The following PKIB variants were observed in gnomAD, a reference collection of about 807,000 sequenced individuals.
PKIB encodes PKI-beta.
Under a neutral mutation model 4.5 loss-of-function variants are expected in PKIB, and 2 were observed. The ratio of observed to expected loss-of-function variants is 0.44; its 90% CI spans 0.18 to 1.39. The LOEUF (loss-of-function observed/expected upper bound fraction) is 1.39, where lower values mean the gene tolerates loss of function less well. PKIB is among the 40% of genes most tolerant of loss of function. The pLI is 0.27. For missense variants in PKIB, 94 were observed against 92.6 expected (o/e 1.02, Z -0.06); for synonymous variants, 38 against 36.0 (o/e 1.06, Z -0.20).
intron 2 of PKIB, among the ~76,000 whole-genome samples, chr6:122,646,294 A>G (rs1776313181): frequency 6.6e-6 from 1 of 152,188 alleles, no homozygotes; most frequent in Admixed American, 6.6e-5. Flanking sequence ...ATTTGGGGGA[A>G]TATCAGCCCC....
At chr6:122,685,706 A>G (rs1232458129) in intron 3 of PKIB, among the ~76,000 whole-genome samples, 1 of 152,080 alleles carries the variant, frequency 6.6e-6, no homozygotes, top group Admixed American at 6.6e-5. Flanking sequence ...ATTATTATTG[A>G]CTATAGTCAT....
At chr6:122,582,609 C>T (rs1773735017) in intron 2 of PKIB, among the ~76,000 whole-genome samples, 1 of 151,956 alleles carries the variant, frequency 6.6e-6, no homozygotes, top group African/African-American at 2.4e-5. Context: ...GATATGTAAC[C>T]AGTTATCTTT....
intron 2 of PKIB, among the ~76,000 whole-genome samples, chr6:122,549,803 C>T (rs1315329409): frequency 6.8e-6 from 1 of 147,562 alleles, no homozygotes; most frequent in African/African-American, 2.5e-5. Flanking sequence ...TTTATGTTAC[C>T]ATATTTCTAA....
At chr6:122,517,709 A>G (rs2114593178) in intron 2 of PKIB, among the ~76,000 whole-genome samples, 2 of 152,338 alleles carry the variant, frequency 1.3e-5, no homozygotes, top group African/African-American at 4.8e-5. Context: ...GACTTTGGAA[A>G]CAAAAGACAT....
At chr6:122,553,481 C>CTTTTTTTTTTTGTTTTTTT (rs1772747136) in intron 2 of PKIB, among the ~76,000 whole-genome samples, 1 of 65,838 alleles carries the variant, frequency 1.5e-5, no homozygotes, top group African/African-American at 5.9e-5. Flanking sequence ...CAAATATCTT[C>CTTTTTTTTTTTGTTTTTTT]TTTTTTTTTT....
intron 2 of PKIB, chr6:122,643,912 A>G (rs1327923208): frequency 6.6e-6 from 1 of 152,130 alleles, no homozygotes; most frequent in African/African-American, 2.4e-5. Flanking sequence ...TTTCATTGCT[A>G]ATTATTGGTA....
intron 3 of PKIB, among the ~76,000 whole-genome samples, chr6:122,591,930 A>G (rs909160105): frequency 1.3e-5 from 2 of 151,484 alleles, no homozygotes; most frequent in African/African-American, 2.4e-5. Context: ...GTTTTAAAAA[A>G]CAAAGTGAAC....
At chr6:122,673,559 G>A (rs1777548127) in intron 2 of PKIB, among the ~76,000 whole-genome samples, 1 of 152,192 alleles carries the variant, frequency 6.6e-6, no homozygotes, top group Non-Finnish European at 1.5e-5. Flanking sequence ...AGAGTGAGAG[G>A]AAGAGCAAAG....
intron 3 of PKIB, among the ~76,000 whole-genome samples, chr6:122,599,372 C>G (rs1774284038): frequency 6.6e-6 from 1 of 152,200 alleles, no homozygotes; most frequent in Non-Finnish European, 1.5e-5. Flanking sequence ...GGGTCCCATT[C>G]TTTTCCAATC....
intron 2 of PKIB, among the ~76,000 whole-genome samples, chr6:122,571,635 C>A (rs1712620217): frequency 6.6e-6 from 1 of 152,184 alleles, no homozygotes; most frequent in African/African-American, 2.4e-5. Flanking sequence ...TTGCATTCTG[C>A]AAAACTAAGC....
chr6:122,626,483 TAAG>T (rs1775449979), intron 1 of PKIB, among the ~76,000 whole-genome samples: 1 of 152,122 alleles, frequency 6.6e-6, no homozygotes, highest in Non-Finnish European at 1.5e-5. Context: ...CAGAGAGTCA[TAAG>T]AAGAATGATT....
intron 2 of PKIB, among the ~76,000 whole-genome samples, chr6:122,642,243 T>C (rs1776148333): frequency 6.6e-6 from 1 of 152,226 alleles, no homozygotes; most frequent in East Asian, 1.9e-4. Flanking sequence ...TAAATTTATT[T>C]TGTCTAAAGT....
At chr6:122,476,756 G>A (rs368654158) in intron 1 of PKIB, among the ~76,000 whole-genome samples, 43 of 152,284 alleles carry the variant, frequency 2.8e-4, no homozygotes, top group African/African-American at 9.1e-4. Context: ...TTGAAAAAGT[G>A]TAAATGACAT....
chr6:122,602,008 A>AT (rs78504289), intron 3 of PKIB, among the ~76,000 whole-genome samples: 49,019 of 140,202 alleles, frequency 0.35, 8,773 homozygotes, highest in Non-Finnish European at 0.43. Flanking sequence ...CTTTCCCTTC[A>AT]TTTTTTTTTT....
intron 2 of PKIB, among the ~76,000 whole-genome samples, chr6:122,525,360 T>C (rs1777066199): frequency 6.6e-6 from 1 of 152,208 alleles, no homozygotes; most frequent in African/African-American, 2.4e-5. Flanking sequence ...ATTTGTTTTA[T>C]GGCCCATTAA....
At chr6:122,551,142 T>TG (rs1772664044) in intron 2 of PKIB, among the ~76,000 whole-genome samples, 1 of 152,202 alleles carries the variant, frequency 6.6e-6, no homozygotes, top group African/African-American at 2.4e-5. Flanking sequence ...GCACTTAGTA[T>TG]GCCCTTTTAA....
intron 1 of PKIB, among the ~76,000 whole-genome samples, chr6:122,624,709 T>C (rs1295618725): frequency 2.0e-5 from 3 of 152,158 alleles, no homozygotes; most frequent in East Asian, 1.9e-4. Flanking sequence ...GGATTAATTG[T>C]GGGCTTTAGA....
At chr6:122,719,766 C>G (rs1457046015) in intron 4 of PKIB, among the ~76,000 whole-genome samples, 2 of 122,258 alleles carry the variant, frequency 1.6e-5, no homozygotes, top group Non-Finnish European at 1.7e-5. Context: ...CACACACACA[C>G]ACAAAGTATG....
At chr6:122,499,674 A>G (rs1015763007) in intron 2 of PKIB, among the ~76,000 whole-genome samples, 39 of 152,032 alleles carry the variant, frequency 2.6e-4, no homozygotes, top group African/African-American at 9.2e-4. Flanking sequence ...CACTCTCACC[A>G]CTCCTATTCA....
Sources: gnomAD v4.1 joint callset for allele counts (sites outside exome capture counted in the v4.1 genomes callset) on GRCh38, gnomAD v4.1.1 for gene constraint, MANE v1.5 for transcripts, NCBI Gene and HGNC (gene_info 2026-07-23, HGNC 2026-07-21) for gene names.